Variants in ZSWIM6 observed in about 807,000 individuals in gnomAD.
ZSWIM6 encodes zinc finger SWIM domain-containing protein 6.
A neutral mutation model predicts 113.2 loss-of-function variants in ZSWIM6; 9 were observed. The observed-to-expected ratio is 0.08, with a 90% CI of 0.05 to 0.14. The LOEUF (loss-of-function observed/expected upper bound fraction) is 0.14. Among genes scored for constraint, ZSWIM6 ranks in the 10% least tolerant of loss-of-function variants. ZSWIM6 has a pLI of 1.00. For missense variants in ZSWIM6, 1,162 were observed against 1,552.2 expected (o/e 0.75, Z 4.22); for synonymous variants, 611 against 606.5 (o/e 1.01, Z -0.11).
At chr5:61,473,641 G>C (rs969428374) in intron 2 of ZSWIM6, among the ~76,000 whole-genome samples, 10 of 152,054 alleles carry the variant, frequency 6.6e-5, no homozygotes, top group Non-Finnish European at 8.8e-5. Context: ...AGAATATATA[G>C]GTGCAACTTT....
At chr5:61,463,312 T>C (rs1747355761) in intron 1 of ZSWIM6, among the ~76,000 whole-genome samples, 1 of 152,206 alleles carries the variant, frequency 6.6e-6, no homozygotes, top group African/African-American at 2.4e-5. Flanking sequence ...AAGCAAGATA[T>C]TGTATATATT....
At chr5:61,338,555 G>A (rs1744456189) in intron 1 of ZSWIM6, among the ~76,000 whole-genome samples, 1 of 152,060 alleles carries the variant, frequency 6.6e-6, no homozygotes, top group African/African-American at 2.4e-5. Flanking sequence ...GGTCCTTAGT[G>A]TTGTTCTGAA....
intron 5 of ZSWIM6, among the ~76,000 whole-genome samples, chr5:61,523,831 G>T (rs891364349): frequency 6.6e-6 from 1 of 152,018 alleles, no homozygotes; most frequent in Non-Finnish European, 1.5e-5. Context: ...GGTTTTATTA[G>T]AGCTAACCAT....
In ZSWIM6 at chr5:61,539,771, G is replaced by A; in HGVS notation, c.2703+12G>A. On this transcript the variant is annotated intron_variant, in intron 12 of 13. Transcript: ENST00000252744. Reference sequence around the variant, plus strand: ...AGCTGGGCCTGCAGGTACATGACTGGTAGTCTTTCCTGGGACATCAAAGAC... The same window carrying A: ...AGCTGGGCCTGCAGGTACATGACTGATAGTCTTTCCTGGGACATCAAAGAC... 6.5e-7 allele frequency: 1 copy of A among 1,546,528 alleles called. No individual in the cohort carries two copies. Among genetic ancestry groups the A allele is most frequent in the Admixed American group, 2.0e-5 (1 of 50,374 alleles).
chr5:61,427,438 C>T (rs1168029631), intron 1 of ZSWIM6, among the ~76,000 whole-genome samples: 1 of 152,142 alleles, frequency 6.6e-6, no homozygotes, highest in African/African-American at 2.4e-5. Context: ...ATGGCAAATT[C>T]AAGTTTTACT....
chr5:61,535,918 A>G (rs1749560701), intron 10 of ZSWIM6, among the ~76,000 whole-genome samples: 1 of 152,188 alleles, frequency 6.6e-6, no homozygotes, highest in Non-Finnish European at 1.5e-5. Context: ...AACAGTTGAA[A>G]CCTTCATAAA....
intron 2 of ZSWIM6, among the ~76,000 whole-genome samples, chr5:61,487,184 G>A (rs185236917): frequency 1.1e-4 from 16 of 151,896 alleles, no homozygotes; most frequent in African/African-American, 2.4e-4. Context: ...TGAATTTTGC[G>A]GATGATCAGT....
intron 1 of ZSWIM6, among the ~76,000 whole-genome samples, chr5:61,384,701 G>T (rs1487407586): frequency 2.0e-5 from 3 of 152,178 alleles, no homozygotes; most frequent in Non-Finnish European, 4.4e-5. Context: ...TCTTAGGTCT[G>T]TTGGACCATA....
chr5:61,518,689 C>T (rs943825873), intron 4 of ZSWIM6, among the ~76,000 whole-genome samples: 14 of 151,884 alleles, frequency 9.2e-5, no homozygotes, highest in African/African-American at 3.1e-4. Flanking sequence ...TGGATATTAG[C>T]CCTTTGTCAG....
chr5:61,510,560 A>G, intron 4 of ZSWIM6, among the ~76,000 whole-genome samples: 1 of 148,570 alleles, frequency 6.7e-6, no homozygotes, highest in East Asian at 2.0e-4. Context: ...TTTGCCTTAT[A>G]TGTTACAGTG....
At chr5:61,488,993 A>G (rs554964669) in intron 2 of ZSWIM6, among the ~76,000 whole-genome samples, 2 of 152,140 alleles carry the variant, frequency 1.3e-5, no homozygotes, top group African/African-American at 4.8e-5. Flanking sequence ...TCTCAGGGAA[A>G]AAAACTAAGC....
rs964738831 is a variant in ZSWIM6 at position 61,332,770 on chromosome 5, A to C, written c.498A>C (p.Ala166=). 10 of 199,942 alleles carry C rather than the reference A, an allele frequency of 5.0e-5. No homozygotes were observed. Among genetic ancestry groups the C allele is most frequent in the East Asian group, 5.9e-4 (1 of 1,684 alleles). 12.4% of individuals were successfully genotyped at this position (199,942 alleles called of 1,614,324 possible). A position where few individuals can be genotyped will look rare whatever the true frequency, so the allele number is the denominator to read the frequency against. The change falls in exon 1 of 14, where the codon GCA becomes GCC. Residue 166 remains alanine, a synonymous_variant. Coordinates refer to ENST00000252744, the MANE Select transcript of ZSWIM6 (RefSeq NM_020928.2). ...CCCCGGCCGCAACCTCGGCGGCCGC[A>C]ACCTCGGCCGCCGCCGCCGCTGCCG... is the stretch of plus-strand genomic sequence containing the variant. ...SSSPAATSAA[A]TSAAAAAAAA...
At chr5:61,518,785 T>C (rs1487617607) in intron 4 of ZSWIM6, among the ~76,000 whole-genome samples, 2 of 152,188 alleles carry the variant, frequency 1.3e-5, no homozygotes, top group African/African-American at 4.8e-5. Context: ...AGAAGCTCTT[T>C]AGTTTAATTA....
chr5:61,539,751 G>T lies in ZSWIM6; in HGVS notation c.2695G>T (p.Gly899Cys). ...ITLLKVSLEL[G>C]LQVMRMTLST... is the part of the protein sequence containing the mutation. ...TCTTTTGAAAGTGTCTCTGGAGCTGGGCCTGCAGGTACATGACTGGTAGTC... is the reference window on the plus strand; with the variant it reads ...TCTTTTGAAAGTGTCTCTGGAGCTGTGCCTGCAGGTACATGACTGGTAGTC... Residue 899 changes from glycine to cysteine, a missense_variant, in exon 12 of 14, where the codon GGC becomes TGC. This residue lies in a region of ZSWIM6 where 620 missense variants were observed against 804.6 expected (regional missense o/e 0.77). Coordinates refer to ENST00000252744, the MANE Select transcript of ZSWIM6 (RefSeq NM_020928.2). The T allele has an allele frequency of 1.3e-6, 2 of 1,550,898 alleles. No individual in the cohort carries two copies. Among genetic ancestry groups the T allele is most frequent in the Non-Finnish European group, 1.7e-6 (2 of 1,146,550 alleles).
At chr5:61,467,842 A>G (rs1368576369) in intron 1 of ZSWIM6, among the ~76,000 whole-genome samples, 1 of 148,614 alleles carries the variant, frequency 6.7e-6, no homozygotes, top group East Asian at 1.9e-4. Flanking sequence ...TGATTCTTCT[A>G]CTATTGTCTG....
intron 1 of ZSWIM6, among the ~76,000 whole-genome samples, chr5:61,425,208 A>G (rs994994924): frequency 6.6e-6 from 1 of 152,218 alleles, no homozygotes; most frequent in African/African-American, 2.4e-5. Context: ...TGTCCATGGA[A>G]CTATGATAGA....
chr5:61,527,356 G>A (rs1749315758), intron 7 of ZSWIM6, among the ~76,000 whole-genome samples: 1 of 152,036 alleles, frequency 6.6e-6, no homozygotes, highest in Non-Finnish European at 1.5e-5. Context: ...TTTGGTTTTG[G>A]TTATATTTTT....
chr5:61,457,582 C>T (rs542540694), intron 1 of ZSWIM6, among the ~76,000 whole-genome samples: 62 of 152,124 alleles, frequency 4.1e-4, no homozygotes, highest in African/African-American at 1.5e-3. Flanking sequence ...AGTGCACTGG[C>T]GTGATCTCGG....
chr5:61,386,396 C>T (rs1745593180), intron 1 of ZSWIM6, among the ~76,000 whole-genome samples: 2 of 152,174 alleles, frequency 1.3e-5, no homozygotes, highest in Non-Finnish European at 1.5e-5. Flanking sequence ...TTGGTGATTG[C>T]AAAGCTTTTT....
Sources: gnomAD v4.1 joint callset for allele counts (sites outside exome capture counted in the v4.1 genomes callset) on GRCh38, gnomAD v4.1.1 for gene constraint, gnomAD v4.1.1 regional missense constraint, MANE v1.5 for transcripts, NCBI Gene and HGNC (gene_info 2026-07-23, HGNC 2026-07-21) for gene names.